Variants in ZNRF3 observed in about 807,000 individuals in gnomAD.
ZNRF3 encodes zinc and ring finger 3, also known as E3 ubiquitin-protein ligase ZNRF3.
A neutral mutation model predicts 72.5 loss-of-function variants in ZNRF3; 23 were observed. The observed-to-expected ratio is 0.32, with a 90% CI of 0.23 to 0.45. ZNRF3 has a LOEUF of 0.45. Ranked by LOEUF, ZNRF3 falls within the 20% of genes least tolerant of loss-of-function variation. ZNRF3 has a pLI of 1.00. For synonymous variants in ZNRF3, 610 were observed against 545.3 expected (o/e 1.12, Z -1.65); for missense variants, 1,169 against 1,272.1 (o/e 0.92, Z 1.23).
chr22:28,939,870 G>A (rs887624556), intron 1 of ZNRF3, among the ~76,000 whole-genome samples: 2 of 151,930 alleles, frequency 1.3e-5, no homozygotes, highest in African/African-American at 2.4e-5. Context: ...TTTTTTAGAC[G>A]TTAGCCTTTG....
At chr22:28,948,009 T>TATTTAAAAAA (rs1248892748) in intron 1 of ZNRF3, among the ~76,000 whole-genome samples, 1 of 151,976 alleles carries the variant, frequency 6.6e-6, no homozygotes, top group Non-Finnish European at 1.5e-5. Flanking sequence ...CACACCCAGC[T>TATTTAAAAAA]AATTTTTGTA....
chr22:28,909,126 G>A lies in ZNRF3; in HGVS notation c.300+25060G>A, dbSNP rs944826417. On this transcript the variant is annotated intron_variant, in intron 1 of 8. Coordinates refer to ENST00000544604, the MANE Select transcript of ZNRF3 (RefSeq NM_001206998.2). ...TCAGCATGTTGCCCAGGCTGGTCTC[G>A]AACTCCTGAGTCTGCCTGCCTCAGC... Among the ~76,000 whole-genome samples the A allele has an allele frequency of 6.6e-5, 10 of 151,940 alleles. No homozygotes were observed. The East Asian group carries it at 1.2e-3, about 18-fold the overall frequency.
chr22:28,992,975 A>C (rs2035983757), intron 2 of ZNRF3: 1 of 152,304 alleles, frequency 6.6e-6, no homozygotes, highest in African/African-American at 2.4e-5. Context: ...AAGAATCTCC[A>C]GAACAGGGCA....
At chr22:28,998,013 G>C (rs1464184482) in intron 2 of ZNRF3, among the ~76,000 whole-genome samples, 1 of 128,462 alleles carries the variant, frequency 7.8e-6, no homozygotes, top group South Asian at 2.6e-4. Context: ...AAAAAAAAAA[G>C]TATGACCCAG....
At chr22:28,901,139 T>A (rs2034094597) in intron 1 of ZNRF3, among the ~76,000 whole-genome samples, 1 of 152,092 alleles carries the variant, frequency 6.6e-6, no homozygotes, top group African/African-American at 2.4e-5. Context: ...ATAAATAATT[T>A]TTTTTTAAAT....
chr22:29,002,556 A>G (rs1191322976), intron 2 of ZNRF3, among the ~76,000 whole-genome samples: 1 of 152,228 alleles, frequency 6.6e-6, no homozygotes, highest in East Asian at 1.9e-4. Flanking sequence ...TTAGAATGTT[A>G]AAGATCTAAA....
chr22:28,937,483 A>T (rs2034861665), intron 1 of ZNRF3, among the ~76,000 whole-genome samples: 1 of 152,004 alleles, frequency 6.6e-6, no homozygotes, highest in African/African-American at 2.4e-5. Context: ...TGCAAGTTTC[A>T]TTGTTCTATT....
rs920177231 is a variant in ZNRF3 at position 29,048,757 on chromosome 22, CT to C, written c.1015+267del. Among the ~76,000 whole-genome samples, 2 of 152,196 alleles carry C rather than the reference CT, an allele frequency of 1.3e-5. No individual in the cohort carries two copies. The highest frequency in any genetic ancestry group is 6.5e-5 in the Admixed American group (1 of 15,280). ...CTGGCCTCTCCTAGGCCTGAGGCCC[CT>C]AATCTCTTTAGTGGCAATGACAGTA... On this transcript the variant is annotated intron_variant, in intron 7 of 8. Coordinates refer to ENST00000544604, the MANE Select transcript of ZNRF3 (RefSeq NM_001206998.2). This position sits in a 1 kb window ranked among gnomAD's most constrained non-coding sequence, Gnocchi z 4.9.
At chr22:29,040,092 T>C (rs2036933924) in intron 2 of ZNRF3, among the ~76,000 whole-genome samples, 1 of 152,110 alleles carries the variant, frequency 6.6e-6, no homozygotes, top group East Asian at 1.9e-4. Context: ...GTTGCTCTGA[T>C]AGCCTGCTGC....
intron 3 of ZNRF3, 29 bp from the exon 4 acceptor site, chr22:29,043,270 T>G: frequency 1.2e-6 from 2 of 1,610,540 alleles, no homozygotes; most frequent in Admixed American, 3.4e-5. Context: ...AAGCGCACCT[T>G]TTAACCAGAG....
At chr22:28,889,997 A>G (rs2033856226) in intron 1 of ZNRF3, among the ~76,000 whole-genome samples, 1 of 152,224 alleles carries the variant, frequency 6.6e-6, no homozygotes, top group African/African-American at 2.4e-5. Flanking sequence ...TATTGAATGA[A>G]TAAATGATGG....
intron 1 of ZNRF3, among the ~76,000 whole-genome samples, chr22:28,967,880 C>A (rs1204198549): frequency 1.2e-4 from 18 of 148,840 alleles, no homozygotes; most frequent in Non-Finnish European, 7.4e-5. Context: ...GAGCTGAGGT[C>A]GCACCACTAC....
chr22:28,968,365 T>C (rs946984648), intron 1 of ZNRF3, among the ~76,000 whole-genome samples: 2 of 152,240 alleles, frequency 1.3e-5, no homozygotes, highest in African/African-American at 4.8e-5. Context: ...TTCTTTCTTA[T>C]AGCTATAATT....
chr22:28,922,128 G>T (rs2034522889), intron 1 of ZNRF3, among the ~76,000 whole-genome samples: 1 of 152,186 alleles, frequency 6.6e-6, no homozygotes, highest in South Asian at 2.1e-4. Context: ...AAGTACTTAT[G>T]TGTGGAATTT....
At chr22:29,018,332 G>C (rs963680180) in intron 2 of ZNRF3, 2 of 210,142 alleles carry the variant, frequency 9.5e-6, no homozygotes, top group Non-Finnish European at 2.0e-5. Flanking sequence ...GGGGTAGTGA[G>C]AGAAGAGGAG....
intron 2 of ZNRF3, among the ~76,000 whole-genome samples, chr22:29,002,093 G>T (rs758780631): frequency 6.6e-6 from 1 of 152,194 alleles, no homozygotes; most frequent in Non-Finnish European, 1.5e-5. Context: ...AGCCACAAAA[G>T]TCTCTATATA....
chr22:29,038,509 T>G (rs1292765861), intron 2 of ZNRF3, among the ~76,000 whole-genome samples: 2 of 151,980 alleles, frequency 1.3e-5, no homozygotes. Flanking sequence ...GTTTTTAACT[T>G]TTTTGTGGAG....
intron 2 of ZNRF3, among the ~76,000 whole-genome samples, chr22:29,032,123 A>G (rs1183855802): frequency 6.6e-6 from 1 of 152,176 alleles, no homozygotes; most frequent in Non-Finnish European, 1.5e-5. Context: ...ATTTCTCCGC[A>G]GGTTGCAGGA....
chr22:29,022,166 T>C (rs551480273), intron 2 of ZNRF3, among the ~76,000 whole-genome samples: 1 of 152,358 alleles, frequency 6.6e-6, no homozygotes, highest in African/African-American at 2.4e-5. Context: ...TTCATGTGGA[T>C]TGTGTATAAC....
Sources: gnomAD v4.1 joint callset for allele counts (sites outside exome capture counted in the v4.1 genomes callset) on GRCh38, gnomAD v4.1.1 for gene constraint, Gnocchi (gnomAD v3.1) non-coding constraint, MANE v1.5 for transcripts, NCBI Gene and HGNC (gene_info 2026-07-23, HGNC 2026-07-21) for gene names.